Variants in NOCT observed in about 807,000 individuals in gnomAD.
NOCT encodes the protein CCR4 carbon catabolite repression 4-like.
Under a neutral mutation model 35.0 loss-of-function variants are expected in NOCT, and 18 were observed. That is an observed-to-expected ratio of 0.51 (90% CI 0.36 to 0.76). The LOEUF (loss-of-function observed/expected upper bound fraction) is 0.76, where lower values mean the gene tolerates loss of function less well. NOCT is among the 30% of genes least tolerant of loss of function. The probability of loss-of-function intolerance (pLI) is 0.01; values close to 1 mark genes in which losing one functional copy is unlikely to be tolerated. For synonymous variants in NOCT, 235 were observed against 226.3 expected (o/e 1.04, Z -0.34); for missense variants, 479 against 541.0 (o/e 0.89, Z 1.14).
chr4:139,033,171 C>T (rs748398525), intron 1 of NOCT, among the ~76,000 whole-genome samples: 2 of 151,866 alleles, frequency 1.3e-5, no homozygotes, highest in African/African-American at 2.4e-5. Flanking sequence ...TCAAGACCAG[C>T]CTAGCCAACG....
At chr4:139,034,647 C>T (rs987061702) in intron 1 of NOCT, among the ~76,000 whole-genome samples, 3 of 151,906 alleles carry the variant, frequency 2.0e-5, no homozygotes, top group Admixed American at 6.6e-5. Context: ...TCACAGTTCA[C>T]TGCAGCTTCA....
chr4:139,033,295 G>T (rs1726661650), intron 1 of NOCT, among the ~76,000 whole-genome samples: 1 of 151,880 alleles, frequency 6.6e-6, no homozygotes, highest in African/African-American at 2.4e-5. Flanking sequence ...ACCCGGGGGG[G>T]CGGAGGTTGC....
intron 1 of NOCT, among the ~76,000 whole-genome samples, chr4:139,021,070 C>CA (rs942925444): frequency 0.042 from 2,318 of 55,184 alleles, 67 homozygotes; most frequent in East Asian, 0.22. Context: ...TACTCTGTCT[C>CA]AAAAAAAAAA....
rs1269037587 is a variant in NOCT at position 139,016,071 on chromosome 4, C to T, written c.90C>T (p.Arg30=). 5.8e-6 allele frequency: 8 copies of T among 1,389,582 alleles called. No individual in the cohort carries two copies. The highest frequency in any genetic ancestry group is 2.7e-5 in the Admixed American group (1 of 36,856). The allele number at this position is 1,389,582 out of a possible 1,614,324, so 86.1% of individuals were successfully genotyped here. ...LRRLPAPGLR[R]PLSPPAAVPR... ...GCCTGCCCGCCCCAGGGCTGCGCCG[C>T]CCGTTGTCCCCGCCGGCTGCTGTTC... Residue 30 remains arginine, a synonymous_variant, in exon 1 of 3, where the codon CGC becomes CGT. Transcript: ENST00000280614.
chr4:139,043,143 C>T lies in NOCT; in HGVS notation c.260C>T (p.Ala87Val). The T allele has an allele frequency of 6.2e-7, 1 of 1,613,954 alleles. No individual in the cohort carries two copies. Among genetic ancestry groups the T allele is most frequent in the Non-Finnish European group, 8.5e-7 (1 of 1,179,878 alleles). Residue 87 changes from alanine to valine, a missense_variant, in exon 2 of 3, where the codon GCC becomes GTC. Ala to Val is a moderately conservative substitution (Grantham distance 64). Around this residue, in one of 2 missense-constraint regions of NOCT, gnomAD observed 265 missense variants for 257.0 expected, o/e 1.03. Coordinates refer to ENST00000280614, the MANE Select transcript of NOCT (RefSeq NM_012118.4). ...ALAKTLNSSA[A>V]SQHPEYLVSP... ...GCCAAGACACTGAACAGCAGCGCTG[C>T]CTCCCAGCACCCAGAGTATTTGGTG...
chr4:139,028,592 T>A (rs1202510086), intron 1 of NOCT, among the ~76,000 whole-genome samples: 2 of 152,210 alleles, frequency 1.3e-5, no homozygotes, highest in African/African-American at 2.4e-5. Context: ...GGCTGCTGTG[T>A]GCGCCTGGGG....
intron 2 of NOCT, 33 bp downstream of exon 2, chr4:139,043,376 A>G (rs1391514848): frequency 1.3e-6 from 2 of 1,599,550 alleles, no homozygotes; most frequent in Admixed American, 1.7e-5. Context: ...TCTGCAGTCA[A>G]GTTTGCTGTG....
chr4:139,045,258 A>G lies in NOCT; in HGVS notation c.1080A>G (p.Pro360=). Residue 360 remains proline, a synonymous_variant, in exon 3 of 3, where the codon CCA becomes CCG. Coordinates refer to ENST00000280614, the MANE Select transcript of NOCT (RefSeq NM_012118.4). ...LLSADGQSEP[P]YTTWKIRTSG... ...GTGCTGATGGGCAGTCAGAACCCCC[A>G]TACACTACCTGGAAGATCCGGACCT... is the stretch of plus-strand genomic sequence containing the variant. 2 of 1,614,096 alleles carry G rather than the reference A, an allele frequency of 1.2e-6. No individual in the cohort carries two copies. Among genetic ancestry groups the G allele is most frequent in the Non-Finnish European group, 1.7e-6 (2 of 1,180,020 alleles).
At chr4:139,030,784 A>G (rs558212956) in intron 1 of NOCT, among the ~76,000 whole-genome samples, 36 of 152,272 alleles carry the variant, frequency 2.4e-4, no homozygotes, top group African/African-American at 8.4e-4. Context: ...AAATTAGCTT[A>G]GTTTTTGTGA....
chr4:139,039,200 T>C (rs1047834712), intron 1 of NOCT, among the ~76,000 whole-genome samples: 4 of 144,890 alleles, frequency 2.8e-5, no homozygotes, highest in African/African-American at 1.1e-4. Context: ...CATTCTTAGC[T>C]TGAGGACTGC....
At chr4:139,026,882 T>C (rs1183372703) in intron 1 of NOCT, among the ~76,000 whole-genome samples, 1 of 580 alleles carries the variant, frequency 1.7e-3, no homozygotes, top group African/African-American at 2.1e-3. Flanking sequence ...TTTTTTTTTT[T>C]TTTTTTTTTT....
chr4:139,022,100 T>A (rs1378512565), intron 1 of NOCT, among the ~76,000 whole-genome samples: 2 of 152,138 alleles, frequency 1.3e-5, no homozygotes, highest in African/African-American at 4.8e-5. Context: ...ACTTAAGTGG[T>A]GGTTATACTT....
At chr4:139,040,785 G>T (rs989227610) in intron 1 of NOCT, among the ~76,000 whole-genome samples, 16 of 152,064 alleles carry the variant, frequency 1.1e-4, no homozygotes, top group African/African-American at 3.6e-4. Context: ...GGTTCCCTGG[G>T]ACACGTTAGC....
chr4:139,044,317 T>A (rs1726894415), intron 2 of NOCT, among the ~76,000 whole-genome samples: 2 of 152,156 alleles, frequency 1.3e-5, no homozygotes, highest in Admixed American at 6.6e-5. Flanking sequence ...ACCAAAAAAA[T>A]TTTAAAAGAA....
intron 1 of NOCT, among the ~76,000 whole-genome samples, chr4:139,034,605 A>G (rs878880182): frequency 2.0e-5 from 3 of 151,692 alleles, no homozygotes; most frequent in Non-Finnish European, 2.9e-5. Flanking sequence ...GGGTCTTGCT[A>G]TGTCACCCAG....
intron 1 of NOCT, among the ~76,000 whole-genome samples, chr4:139,017,134 G>A (rs1427080778): frequency 6.6e-6 from 1 of 151,388 alleles, no homozygotes; most frequent in Non-Finnish European, 1.5e-5. Flanking sequence ...TTTCTGCCTG[G>A]GCACACATTA....
At chr4:139,038,918 T>C (rs1560733712) in intron 1 of NOCT, among the ~76,000 whole-genome samples, 1 of 152,080 alleles carries the variant, frequency 6.6e-6, no homozygotes, top group Non-Finnish European at 1.5e-5. Context: ...TAGTTCTAGA[T>C]ATGGCAAATT....
At chr4:139,024,624 C>A (rs1374020731) in intron 1 of NOCT, among the ~76,000 whole-genome samples, 1 of 152,064 alleles carries the variant, frequency 6.6e-6, no homozygotes, top group Admixed American at 6.6e-5. Context: ...TGGGGTCTCG[C>A]TCTGTCACTC....
intron 1 of NOCT, among the ~76,000 whole-genome samples, chr4:139,031,409 A>G (rs1388325925): frequency 6.6e-6 from 1 of 151,972 alleles, no homozygotes; most frequent in African/African-American, 2.4e-5. Context: ...TTGGCCTCCC[A>G]AAGTGCTGGG....
Sources: allele counts gnomAD v4.1 joint callset (sites outside exome capture counted in the v4.1 genomes callset), GRCh38; gene constraint gnomAD v4.1.1; regional missense constraint gnomAD v4.1.1; transcripts MANE v1.5; gene names NCBI Gene and HGNC (gene_info 2026-07-23, HGNC 2026-07-21).